Variants in TRIM44 observed in about 807,000 individuals in gnomAD.
TRIM44 encodes tripartite motif-containing protein 44.
In TRIM44, 13 loss-of-function variants were observed where a neutral mutation model predicts 37.4. The ratio of observed to expected loss-of-function variants is 0.35; its 90% CI spans 0.23 to 0.55. TRIM44 has a LOEUF of 0.55. TRIM44 is among the 20% of genes least tolerant of loss of function. TRIM44 has a pLI of 0.89. For synonymous variants in TRIM44, 175 were observed against 157.2 expected (o/e 1.11, Z -0.85); for missense variants, 426 against 437.2 (o/e 0.97, Z 0.23).
intron 2 of TRIM44, among the ~76,000 whole-genome samples, chr11:35,718,635 T>C (rs1268694080): frequency 6.6e-6 from 1 of 152,134 alleles, no homozygotes. Flanking sequence ...TTGTATATTG[T>C]ATGGGTTTTG....
chr11:35,755,798 A>T (rs1176719538), intron 4 of TRIM44, among the ~76,000 whole-genome samples: 1,934 of 152,278 alleles, frequency 0.013, 43 homozygotes, highest in African/African-American at 0.044. Flanking sequence ...CAGGTTTGTC[A>T]AAGATCAGAT....
chr11:35,744,768 G>A (rs976402781), intron 4 of TRIM44, among the ~76,000 whole-genome samples: 9 of 152,108 alleles, frequency 5.9e-5, no homozygotes, highest in African/African-American at 1.4e-4. Context: ...TTCCCCCCAT[G>A]AGTCCATGTG....
Position 35,807,945 on chromosome 11 carries a change from C to T in TRIM44, c.*1560C>T, listed in dbSNP as rs1853475916. On this transcript the variant is annotated 3_prime_UTR_variant, in exon 5 of 5. Coordinates refer to ENST00000299413, the MANE Select transcript of TRIM44 (RefSeq NM_017583.6). ...CACTGGGGGAAATCCCTTTTCCTGCCTGCCTGTCTGCCTGTGACCTGTGTA... is the reference window on the plus strand; with the variant it reads ...CACTGGGGGAAATCCCTTTTCCTGCTTGCCTGTCTGCCTGTGACCTGTGTA... 1 of 152,148 alleles carries T rather than the reference C, an allele frequency of 6.6e-6. No individual in the cohort carries two copies. Among genetic ancestry groups the T allele is most frequent in the South Asian group, 2.1e-4 (1 of 4,828 alleles). 9.4% of individuals were successfully genotyped at this position (152,148 alleles called of 1,614,324 possible).
chr11:35,737,521 A>T (rs1174576108), intron 4 of TRIM44, among the ~76,000 whole-genome samples: 1 of 152,132 alleles, frequency 6.6e-6, no homozygotes, highest in African/African-American at 2.4e-5. Context: ...GTCTCTAAAA[A>T]TAAGTAAATA....
intron 4 of TRIM44, among the ~76,000 whole-genome samples, chr11:35,779,618 A>C (rs562080102): frequency 6.6e-6 from 1 of 152,108 alleles, no homozygotes; most frequent in East Asian, 1.9e-4. Flanking sequence ...TTATTAATAG[A>C]TCCCACTTCT....
intron 4 of TRIM44, among the ~76,000 whole-genome samples, chr11:35,779,409 C>G (rs1326963011): frequency 2.6e-5 from 4 of 152,114 alleles, no homozygotes; most frequent in African/African-American, 9.7e-5. Flanking sequence ...GAGGCAATGC[C>G]CCACCCTGCT....
chr11:35,711,681 A>T (rs542746647), intron 2 of TRIM44, among the ~76,000 whole-genome samples: 20 of 152,176 alleles, frequency 1.3e-4, no homozygotes, highest in African/African-American at 4.6e-4. Flanking sequence ...TCTTGACCCC[A>T]GGAGATCGAG....
intron 4 of TRIM44, among the ~76,000 whole-genome samples, chr11:35,777,825 A>G (rs952338374): frequency 2.6e-5 from 4 of 152,162 alleles, no homozygotes; most frequent in Admixed American, 6.5e-5. Flanking sequence ...CCAGAGATCC[A>G]CTGTTAGTCT....
intron 4 of TRIM44, among the ~76,000 whole-genome samples, chr11:35,773,452 T>C (rs527746699): frequency 6.6e-6 from 1 of 152,262 alleles, no homozygotes; most frequent in African/African-American, 2.4e-5. Context: ...CGGTGGATAG[T>C]TTATTTTGCT....
intron 4 of TRIM44, among the ~76,000 whole-genome samples, chr11:35,785,525 A>T (rs1283224484): frequency 6.6e-6 from 1 of 152,214 alleles, no homozygotes; most frequent in East Asian, 1.9e-4. Flanking sequence ...AGGAGGCTAA[A>T]ACCTGAGAAG....
intron 4 of TRIM44, among the ~76,000 whole-genome samples, chr11:35,774,177 GATGGTATCTC>G (rs938360655): frequency 6.6e-6 from 1 of 152,202 alleles, no homozygotes; most frequent in Non-Finnish European, 1.5e-5. Flanking sequence ...ACTGGTGTGA[GATGGTATCTC>G]ATTGTAGATT....
intron 4 of TRIM44, among the ~76,000 whole-genome samples, chr11:35,747,944 G>A (rs768030653): frequency 2.1e-4 from 32 of 152,002 alleles, no homozygotes; most frequent in Non-Finnish European, 3.7e-4. Context: ...AGCAATTACC[G>A]GCAAGTTGCA....
intron 4 of TRIM44, among the ~76,000 whole-genome samples, chr11:35,803,401 C>T (rs1853396372): frequency 1.3e-5 from 2 of 152,102 alleles, no homozygotes; most frequent in African/African-American, 4.8e-5. Flanking sequence ...TATTACTTCC[C>T]TTGCAGAAAG....
At chr11:35,699,626 T>G (rs1320170970) in intron 2 of TRIM44, among the ~76,000 whole-genome samples, 2 of 151,296 alleles carry the variant, frequency 1.3e-5, no homozygotes, top group Admixed American at 1.3e-4. Context: ...GAGAAGGAAA[T>G]AAAGGGTATT....
At chr11:35,758,546 T>A (rs1852679510) in intron 4 of TRIM44, among the ~76,000 whole-genome samples, 1 of 152,228 alleles carries the variant, frequency 6.6e-6, no homozygotes. Context: ...GTCTTTATGA[T>A]GTTAGCTGGT....
intron 1 of TRIM44, among the ~76,000 whole-genome samples, chr11:35,673,478 G>C (rs867190942): frequency 6.6e-6 from 1 of 152,186 alleles, no homozygotes; most frequent in Non-Finnish European, 1.5e-5. Context: ...TAGCATAGAT[G>C]AAAATACTGC....
chr11:35,733,723 G>A (rs1852294598), intron 3 of TRIM44, among the ~76,000 whole-genome samples: 1 of 152,034 alleles, frequency 6.6e-6, no homozygotes, highest in Non-Finnish European at 1.5e-5. Flanking sequence ...TTGCACCCTG[G>A]CAGTCTCCCT....
At chr11:35,741,563 G>A (rs1852397265) in intron 4 of TRIM44, among the ~76,000 whole-genome samples, 1 of 152,110 alleles carries the variant, frequency 6.6e-6, no homozygotes, top group Non-Finnish European at 1.5e-5. Flanking sequence ...ACTTTATAAT[G>A]CTAAGAAAAA....
chr11:35,714,606 G>C (rs2135509831), intron 2 of TRIM44, among the ~76,000 whole-genome samples: 1 of 152,214 alleles, frequency 6.6e-6, no homozygotes, highest in South Asian at 2.1e-4. Context: ...GGCTTTATAG[G>C]GAAACTGCTT....
Sources: gnomAD v4.1 joint callset for allele counts (sites outside exome capture counted in the v4.1 genomes callset) on GRCh38, gnomAD v4.1.1 for gene constraint, MANE v1.5 for transcripts, NCBI Gene and HGNC (gene_info 2026-07-23, HGNC 2026-07-21) for gene names.